GSE1: variants seen among roughly 807,000 people sequenced by gnomAD.
GSE1 encodes genetic suppressor element 1.
In GSE1, 32 loss-of-function variants were observed where a neutral mutation model predicts 112.6. The observed-to-expected ratio is 0.28, with a 90% CI of 0.21 to 0.38. GSE1 has a LOEUF of 0.38. Among genes scored for constraint, GSE1 ranks in the 10% least tolerant of loss-of-function variants. The pLI is 1.00. For synonymous variants in GSE1, 1,115 were observed against 735.6 expected, an observed-to-expected ratio of 1.52 and a Z score of -8.35; for missense variants, 2,348 against 1,699.2, an observed-to-expected ratio of 1.38 and a Z score of -6.71.
intron 1 of GSE1, chr16:85,283,622 G>C (rs931314462): frequency 1.3e-5 from 2 of 152,318 alleles, no homozygotes; most frequent in Non-Finnish European, 2.9e-5. Context: ...ACCCCAGCAG[G>C]CGGGGTTTGA....
intron 2 of GSE1, among the ~76,000 whole-genome samples, chr16:85,437,040 G>C (rs2049264036): frequency 6.6e-6 from 1 of 152,220 alleles, no homozygotes; most frequent in South Asian, 2.1e-4. Flanking sequence ...TTTGGCCTCT[G>C]AGCAGATGGC....
intron 11 of GSE1, among the ~76,000 whole-genome samples, chr16:85,664,243 C>T (rs2052656973): frequency 6.6e-6 from 1 of 152,254 alleles, no homozygotes; most frequent in Non-Finnish European, 1.5e-5. Context: ...GTTGACGTTC[C>T]TGGCCCTGCC....
At chr16:85,671,655 T>A (rs1262470999) in intron 15 of GSE1, among the ~76,000 whole-genome samples, 1 of 152,066 alleles carries the variant, frequency 6.6e-6, no homozygotes. Context: ...TATCTAGGAT[T>A]TACTTATAGA....
chr16:85,470,270 C>T (rs2050247843), intron 2 of GSE1, among the ~76,000 whole-genome samples: 1 of 152,332 alleles, frequency 6.6e-6, no homozygotes, highest in African/African-American at 2.4e-5. Flanking sequence ...GGCCAGCCAG[C>T]GGGGGTCTTC....
At position 85,466,817 on chromosome 16, in the gene GSE1, T is replaced by G. The variant is rs904915554; in HGVS notation, c.2464+109174T>G. Among the ~76,000 whole-genome samples, 31 of 152,210 alleles carry G rather than the reference T, an allele frequency of 2.0e-4. No homozygotes were observed. In the East Asian group the frequency reaches 3.1e-3, roughly 15 times the overall value. ...GCTCACACCTGTAATCCCAGCACTT[T>G]GGGAGGCCAAGGCAGGCAGATCACT... On this transcript the variant is annotated intron_variant, in intron 2 of 2. Coordinates refer to the GSE1 transcript ENST00000637419.
intron 11 of GSE1, 76 bp from the exon 12 acceptor site, chr16:85,664,939 C>A: frequency 1.0e-6 from 1 of 998,654 alleles, no homozygotes. Flanking sequence ...CCTCAAGGCT[C>A]GGCTAGAATC....
chr16:85,657,448 A>C lies in GSE1; in HGVS notation c.1484A>C (p.Glu495Ala). Residue 495 changes from glutamate to alanine, a missense_variant, in exon 8 of 16, where the codon GAG becomes GCG. By Grantham distance (107) the Glu-to-Ala change is moderately radical. Coordinates refer to ENST00000253458, the MANE Select transcript of GSE1 (RefSeq NM_014615.5). ...CTGATCCAGCGCACCAATGAGGAGG[A>C]GAAGTGGCTGGCGCGGCAGCGGCGG... ...ALLIQRTNEE[E>A]KWLARQRRLR... 6.2e-7 allele frequency: 1 copy of C among 1,612,510 alleles called. No homozygotes were observed. The highest frequency in any genetic ancestry group is 2.2e-5 in the East Asian group (1 of 44,850).
At chr16:85,212,885 T>C (rs1162714457) in intron 1 of GSE1, among the ~76,000 whole-genome samples, 2 of 152,192 alleles carry the variant, frequency 1.3e-5, no homozygotes, top group Non-Finnish European at 2.9e-5. Flanking sequence ...CCCAGCACTT[T>C]GGGAGGCCGA....
intron 3 of GSE1, among the ~76,000 whole-genome samples, chr16:85,653,662 A>G (rs2051638241): frequency 6.6e-6 from 1 of 152,002 alleles, no homozygotes. Context: ...GTCAGGGCCC[A>G]GCTGCTGCCT....
At chr16:85,410,624 G>GGT (rs1292954121) in intron 2 of GSE1, among the ~76,000 whole-genome samples, 1 of 1,044 alleles carries the variant, frequency 9.6e-4, no homozygotes, top group Non-Finnish European at 2.0e-3. Context: ...TTACACTCAG[G>GGT]CCCCCGGATA....
At chr16:85,462,242 C>T (rs113092915) in intron 2 of GSE1, among the ~76,000 whole-genome samples, 277 of 152,238 alleles carry the variant, frequency 1.8e-3, no homozygotes, top group African/African-American at 6.3e-3. Flanking sequence ...CTCCTTAAAG[C>T]CCTAGGTCAG....
intron 2 of GSE1, among the ~76,000 whole-genome samples, chr16:85,459,841 C>G (rs908109845): frequency 6.6e-6 from 1 of 152,172 alleles, no homozygotes; most frequent in Non-Finnish European, 1.5e-5. Flanking sequence ...AGGCATTCAC[C>G]CCTCCTTCAC....
chr16:85,454,116 C>T (rs2049759563), intron 2 of GSE1, among the ~76,000 whole-genome samples: 1 of 152,214 alleles, frequency 6.6e-6, no homozygotes, highest in Non-Finnish European at 1.5e-5. Flanking sequence ...TAACCAAGGC[C>T]TGGTGGTAAC....
At chr16:85,244,158 G>C (rs1808864632) in intron 1 of GSE1, among the ~76,000 whole-genome samples, 1 of 152,182 alleles carries the variant, frequency 6.6e-6, no homozygotes, top group South Asian at 2.1e-4. Context: ...AAGGTTGCAG[G>C]TGGAATTAAG....
chr16:85,399,083 G>T (rs1229272810), intron 2 of GSE1, among the ~76,000 whole-genome samples: 1 of 152,314 alleles, frequency 6.6e-6, no homozygotes, highest in East Asian at 1.9e-4. Flanking sequence ...ACATGTGTAT[G>T]TGTATGTGGT....
At chr16:85,350,860 A>C (rs1022915746) in intron 1 of GSE1, among the ~76,000 whole-genome samples, 1 of 152,026 alleles carries the variant, frequency 6.6e-6, no homozygotes, top group African/African-American at 2.4e-5. Flanking sequence ...GCCCCCTGCA[A>C]CCTCTGCCTC....
chr16:85,410,414 CTGTTA>C (rs2048487552), intron 2 of GSE1, among the ~76,000 whole-genome samples: 1 of 31,422 alleles, frequency 3.2e-5, no homozygotes, highest in Non-Finnish European at 5.9e-5. Context: ...ATAATCCTCA[CTGTTA>C]CACTCAGGGC....
At chr16:85,200,869 C>G (rs2075015524) in intron 1 of GSE1, among the ~76,000 whole-genome samples, 1 of 152,180 alleles carries the variant, frequency 6.6e-6, no homozygotes, top group Non-Finnish European at 1.5e-5. Flanking sequence ...CTGAACTGTC[C>G]CCGGTAAACA....
chr16:85,555,804 G>GTTTT, upstream of GSE1: 1 of 813,722 alleles, frequency 1.2e-6, no homozygotes, highest in African/African-American at 1.9e-5. Context: ...CCTGGGGGCT[G>GTTTT]TTTTTTTTTT....
Sources: allele counts gnomAD v4.1 joint callset (sites outside exome capture counted in the v4.1 genomes callset), GRCh38; gene constraint gnomAD v4.1.1; transcripts MANE v1.5; gene names NCBI Gene and HGNC (gene_info 2026-07-23, HGNC 2026-07-21).